The following BRINP3 variants were observed in gnomAD, a reference collection of about 807,000 sequenced individuals.
BRINP3 encodes the protein BMP/retinoic acid inducible neural specific 3.
A neutral mutation model predicts 71.0 loss-of-function variants in BRINP3; 19 were observed. That is an observed-to-expected ratio of 0.27 (90% CI 0.19 to 0.39). The LOEUF is 0.39. Among genes scored for constraint, BRINP3 ranks in the 10% least tolerant of loss-of-function variants. BRINP3 has a pLI of 1.00. For missense variants in BRINP3, 959 were observed against 940.8 expected (o/e 1.02, Z -0.25); for synonymous variants, 380 against 337.7 (o/e 1.13, Z -1.37).
chr1:190,210,034 C>T (rs1655850866), intron 6 of BRINP3, among the ~76,000 whole-genome samples: 1 of 151,980 alleles, frequency 6.6e-6, no homozygotes, highest in South Asian at 2.1e-4. Context: ...AGAAGTAATA[C>T]ACAAACTACT....
At chr1:190,425,479 A>G (rs1013498180) in intron 2 of BRINP3, among the ~76,000 whole-genome samples, 3 of 151,782 alleles carry the variant, frequency 2.0e-5, no homozygotes, top group African/African-American at 7.2e-5. Context: ...CAATGGAGAA[A>G]GCTCACAGTA....
At chr1:190,262,153 A>G (rs761322242) in intron 4 of BRINP3, among the ~76,000 whole-genome samples, 6 of 152,176 alleles carry the variant, frequency 3.9e-5, no homozygotes, top group Non-Finnish European at 5.9e-5. Flanking sequence ...CCTGCAGTGC[A>G]CATGATCATG....
At chr1:190,307,262 T>G (rs1186669124) in intron 2 of BRINP3, among the ~76,000 whole-genome samples, 1 of 74,952 alleles carries the variant, frequency 1.3e-5, no homozygotes, top group East Asian at 4.2e-4. Flanking sequence ...AACATTGTTT[T>G]TTTTTTTTTT....
chr1:190,217,527 G>A (rs1656516557), intron 6 of BRINP3, among the ~76,000 whole-genome samples: 1 of 151,600 alleles, frequency 6.6e-6, no homozygotes, highest in African/African-American at 2.4e-5. Context: ...AAAATGTTTG[G>A]GTTCATTATT....
intron 2 of BRINP3, among the ~76,000 whole-genome samples, chr1:190,432,638 G>A (rs1164939064): frequency 6.6e-6 from 1 of 152,150 alleles, no homozygotes; most frequent in African/African-American, 2.4e-5. Context: ...CTACTGCCAC[G>A]TTAAGAGGTG....
intron 6 of BRINP3, among the ~76,000 whole-genome samples, chr1:190,201,026 A>T (rs1352390579): frequency 6.6e-6 from 1 of 152,144 alleles, no homozygotes; most frequent in Admixed American, 6.5e-5. Context: ...ATGGGGAAGC[A>T]ACTTTGGAAC....
chr1:190,274,659 T>C (rs1189674035), intron 3 of BRINP3, among the ~76,000 whole-genome samples: 4 of 151,688 alleles, frequency 2.6e-5, no homozygotes, highest in Admixed American at 2.0e-4. Context: ...TTTTTTGTTA[T>C]TGCTGCCCTT....
intron 4 of BRINP3, among the ~76,000 whole-genome samples, chr1:190,246,817 C>A (rs1219226713): frequency 2.0e-5 from 3 of 151,842 alleles, no homozygotes; most frequent in African/African-American, 7.3e-5. Context: ...ACCAGCAGCC[C>A]TTTTCATCAC....
chr1:190,307,132 G>A (rs944576318), intron 2 of BRINP3, among the ~76,000 whole-genome samples: 2 of 151,266 alleles, frequency 1.3e-5, no homozygotes, highest in Non-Finnish European at 2.9e-5. Flanking sequence ...TTGGTTCAGT[G>A]ACATTGCTAA....
chr1:190,223,775 A>T (rs189297559), intron 6 of BRINP3, among the ~76,000 whole-genome samples: 3 of 151,912 alleles, frequency 2.0e-5, no homozygotes, highest in Admixed American at 2.0e-4. Context: ...CCTAGAAAAA[A>T]CCTCAATAAA....
intron 6 of BRINP3, among the ~76,000 whole-genome samples, chr1:190,175,427 T>G (rs1652417533): frequency 6.6e-6 from 1 of 152,120 alleles, no homozygotes; most frequent in African/African-American, 2.4e-5. Context: ...ATACAGTTAT[T>G]TTTACATTCC....
At chr1:190,219,320 A>C (rs1018267626) in intron 6 of BRINP3, among the ~76,000 whole-genome samples, 2 of 152,106 alleles carry the variant, frequency 1.3e-5, no homozygotes, top group Non-Finnish European at 2.9e-5. Flanking sequence ...AAGAATTCAA[A>C]ACAGCAGTTT....
Position 190,337,037 on chromosome 1 carries a change from C to A in BRINP3, c.237-55287G>T, listed in dbSNP as rs74129298. 4.2e-3 allele frequency among the ~76,000 whole-genome samples: 637 copies of A among 151,888 alleles called. 5 individuals carry two copies. The highest frequency in any genetic ancestry group is 0.014 in the African/African-American group (597 of 41,438). The stretch of plus-strand genomic sequence containing the variant: ...ACAATATTATATAATACTAAACTAA[C>A]CTGAGGCATCTTGGAAAGAGAGAAA... On this transcript the variant is annotated intron_variant, in intron 2 of 7. Transcript: ENST00000367462.
At chr1:190,445,260 A>C (rs1452234134) in intron 2 of BRINP3, among the ~76,000 whole-genome samples, 1 of 152,136 alleles carries the variant, frequency 6.6e-6, no homozygotes, top group Non-Finnish European at 1.5e-5. Flanking sequence ...TAAATAGTAC[A>C]CATTTCAGCT....
rs369991800 is a variant in BRINP3, at chr1:190,312,934, ATTTGATT to A, written c.237-31191_237-31185del. ...TTGAGCAAGATTGTCATTCTATTCA[ATTTGATT>A]TTAAACATGCATTTCAAATTCTTCA... On this transcript the variant is annotated intron_variant, in intron 2 of 7. Coordinates refer to ENST00000367462, the MANE Select transcript of BRINP3 (RefSeq NM_199051.3). 3.9e-3 allele frequency among the ~76,000 whole-genome samples: 589 copies of A among 151,986 alleles called. 6 individuals carry two copies. Among genetic ancestry groups the A allele is most frequent in the African/African-American group, 0.013 (555 of 41,538 alleles).
At chr1:190,396,908 A>T (rs1435509016) in intron 2 of BRINP3, among the ~76,000 whole-genome samples, 1 of 151,372 alleles carries the variant, frequency 6.6e-6, no homozygotes, top group Non-Finnish European at 1.5e-5. Context: ...ATTTCCCTTT[A>T]CATACATCTC....
chr1:190,324,297 CA>C (rs1412289768), intron 2 of BRINP3, among the ~76,000 whole-genome samples: 1 of 151,694 alleles, frequency 6.6e-6, no homozygotes, highest in Non-Finnish European at 1.5e-5. Context: ...TGGCAGTTTC[CA>C]AAATTATGTT....
chr1:190,280,478 G>A (rs937267580), intron 3 of BRINP3, among the ~76,000 whole-genome samples: 7 of 151,922 alleles, frequency 4.6e-5, no homozygotes, highest in Middle Eastern at 3.4e-3. Flanking sequence ...AAAAAATGAT[G>A]ATGTCTTGGT....
At chr1:190,351,216 GTA>G (rs1558207578) in intron 2 of BRINP3, among the ~76,000 whole-genome samples, 4 of 152,164 alleles carry the variant, frequency 2.6e-5, no homozygotes, top group Admixed American at 6.5e-5. Flanking sequence ...TACACATTGT[GTA>G]TGTGTGTGTG....
Sources: allele counts gnomAD v4.1 joint callset (sites outside exome capture counted in the v4.1 genomes callset), GRCh38; gene constraint gnomAD v4.1.1; transcripts MANE v1.5; gene names NCBI Gene and HGNC (gene_info 2026-07-23, HGNC 2026-07-21).